Variants in PRIM2 observed in about 807,000 individuals in gnomAD.
The protein encoded by PRIM2 is DNA primase subunit 2.
In PRIM2, 39 loss-of-function variants were observed where a neutral mutation model predicts 67.3. The ratio of observed to expected loss-of-function variants is 0.58; its 90% CI spans 0.45 to 0.76. The LOEUF (loss-of-function observed/expected upper bound fraction) is 0.76. Ranked by LOEUF, PRIM2 falls within the 30% of genes least tolerant of loss-of-function variation. PRIM2 has a pLI of 0.00. For missense variants in PRIM2, 398 were observed against 598.7 expected, an observed-to-expected ratio of 0.66 and a Z score of 3.50; for synonymous variants, 143 against 198.7, an observed-to-expected ratio of 0.72 and a Z score of 2.36.
the PRIM2 span, among the ~76,000 whole-genome samples, chr6:57,230,504 G>T: frequency 2.0e-5 from 3 of 152,156 alleles, no homozygotes; most frequent in African/African-American, 4.8e-5. Context: ...GCTTATCAAG[G>T]CTGTGCATAT....
At chr6:57,268,921 A>G in the PRIM2 span, among the ~76,000 whole-genome samples, 4,458 of 151,488 alleles carry the variant, frequency 0.029, 185 homozygotes, top group African/African-American at 0.1. Context: ...ACTGAGAATG[A>G]TAATTTCCAA....
At position 57,528,631 on chromosome 6, in the gene PRIM2, A is replaced by C. The variant is rs1463732861; in HGVS notation, c.762-3780A>C. Among the ~76,000 whole-genome samples the C allele has an allele frequency of 1.4e-3, 212 of 152,276 alleles. 5 individuals are homozygous for C. The East Asian group carries it at 0.019, about 14-fold the overall frequency. On this transcript the variant is annotated intron_variant, in intron 8 of 13. Transcript: ENST00000615550. ...ATTTTACCATTTATAGAGGCCTTTC[A>C]TATTTGTTTATTTGATCTGAACAAT...
At chr6:57,502,077 A>G (rs1365577641) in intron 7 of PRIM2, among the ~76,000 whole-genome samples, 1 of 152,338 alleles carries the variant, frequency 6.6e-6, no homozygotes, top group Non-Finnish European at 1.5e-5. Flanking sequence ...GGAAGGAACT[A>G]TGTCATGGTC....
chr6:57,336,407 T>C (rs1339960849), intron 5 of PRIM2, among the ~76,000 whole-genome samples: 1 of 152,070 alleles, frequency 6.6e-6, no homozygotes, highest in Non-Finnish European at 1.5e-5. Flanking sequence ...CACATAGTTG[T>C]CAGATTCACC....
At chr6:57,382,897 C>G (rs2894841) in intron 7 of PRIM2, 2 of 152,120 alleles carry the variant, frequency 1.3e-5, no homozygotes, top group African/African-American at 4.8e-5. Flanking sequence ...CTTTCCTTCT[C>G]AGTTAAAAAT....
At chr6:57,331,238 C>A (rs1038278809) in intron 5 of PRIM2, among the ~76,000 whole-genome samples, 1 of 150,860 alleles carries the variant, frequency 6.6e-6, no homozygotes, top group African/African-American at 2.4e-5. Context: ...TTGGATGTTA[C>A]ACCAACCTTG....
intron 7 of PRIM2, among the ~76,000 whole-genome samples, chr6:57,474,434 A>G (rs1192234156): frequency 1.3e-5 from 2 of 152,112 alleles, no homozygotes; most frequent in East Asian, 1.9e-4. Flanking sequence ...TCAGCCTCCC[A>G]AAGTGCTGGG....
chr6:57,473,889 T>C (rs1276224309), intron 7 of PRIM2, among the ~76,000 whole-genome samples: 1 of 151,152 alleles, frequency 6.6e-6, no homozygotes, highest in African/African-American at 2.5e-5. Flanking sequence ...GGCTCTACTG[T>C]TTGTTTGTTT....
intron 5 of PRIM2, among the ~76,000 whole-genome samples, chr6:57,350,010 C>T (rs1238434322): frequency 7.2e-5 from 11 of 152,218 alleles, no homozygotes; most frequent in Admixed American, 3.9e-4. Flanking sequence ...ATAATAACTT[C>T]TTCTTGGACC....
At chr6:57,435,543 G>C (rs1229461563) in intron 7 of PRIM2, among the ~76,000 whole-genome samples, 1 of 152,194 alleles carries the variant, frequency 6.6e-6, no homozygotes, top group African/African-American at 2.4e-5. Context: ...CATCATAAAA[G>C]TATGGACTTC....
At chr6:57,243,600 C>G in the PRIM2 span, among the ~76,000 whole-genome samples, 18 of 152,292 alleles carry the variant, frequency 1.2e-4, 1 homozygote, top group East Asian at 9.6e-4. Flanking sequence ...TCCCAAGTAG[C>G]CGAGACTACA....
intron 5 of PRIM2, among the ~76,000 whole-genome samples, chr6:57,351,731 A>C (rs1308614849): frequency 1.3e-5 from 2 of 152,068 alleles, no homozygotes; most frequent in African/African-American, 4.8e-5. Context: ...GTAGAGATAG[A>C]CAGTGGGCAG....
At chr6:57,370,775 A>G (rs1486812774) in intron 5 of PRIM2, among the ~76,000 whole-genome samples, 3 of 150,102 alleles carry the variant, frequency 2.0e-5, no homozygotes, top group Non-Finnish European at 3.0e-5. Flanking sequence ...GCTCACTGCA[A>G]CCTTTGCCTG....
chr6:57,607,164 T>C (rs1448628821), intron 12 of PRIM2, among the ~76,000 whole-genome samples: 1 of 152,196 alleles, frequency 6.6e-6, no homozygotes, highest in Non-Finnish European at 1.5e-5. Flanking sequence ...AGTTAGACCA[T>C]CTAAATCATC....
intron 8 of PRIM2, among the ~76,000 whole-genome samples, chr6:57,514,132 T>C (rs1774431338): frequency 6.6e-6 from 1 of 152,210 alleles, no homozygotes; most frequent in Middle Eastern, 3.2e-3. Context: ...CAGTTGGTAT[T>C]ATTACTAGTT....
At chr6:57,279,619 G>A in the PRIM2 span, among the ~76,000 whole-genome samples, 1 of 152,028 alleles carries the variant, frequency 6.6e-6, no homozygotes, top group African/African-American at 2.4e-5. Context: ...TGATGGCGGC[G>A]CTACAGGAGA....
chr6:57,585,802 C>G (rs1776177527), intron 10 of PRIM2, among the ~76,000 whole-genome samples: 2 of 152,184 alleles, frequency 1.3e-5, no homozygotes, highest in African/African-American at 4.8e-5. Flanking sequence ...AGGAGGGCAT[C>G]TTGTCAGTTG....
At chr6:57,304,724 C>A in the PRIM2 span, among the ~76,000 whole-genome samples, 1 of 152,060 alleles carries the variant, frequency 6.6e-6, no homozygotes. Flanking sequence ...GCAGAGACCC[C>A]TGGAAAGAAA....
intron 10 of PRIM2, among the ~76,000 whole-genome samples, chr6:57,585,115 C>A (rs1204461508): frequency 6.6e-6 from 1 of 152,132 alleles, no homozygotes; most frequent in African/African-American, 2.4e-5. Context: ...TTTTTTTAAG[C>A]TCCTATGAGG....
Sources: allele counts gnomAD v4.1 joint callset (sites outside exome capture counted in the v4.1 genomes callset), GRCh38; gene constraint gnomAD v4.1.1; transcripts MANE v1.5; gene names NCBI Gene and HGNC (gene_info 2026-07-23, HGNC 2026-07-21).